UPB1: variants seen among roughly 807,000 people sequenced by gnomAD.
The protein encoded by UPB1 is beta-ureidopropionase 1, also known as beta-ureidopropionase.
Under a neutral mutation model 49.1 loss-of-function variants are expected in UPB1, and 40 were observed. The observed-to-expected ratio is 0.81, with a 90% CI of 0.63 to 1.06. UPB1 has a LOEUF of 1.06. Ranked by LOEUF, UPB1 falls within the 50% of genes least tolerant of loss-of-function variation. UPB1 has a pLI of 0.00. For missense variants in UPB1, 499 were observed against 505.9 expected (o/e 0.99, Z 0.13); for synonymous variants, 207 against 198.2 (o/e 1.04, Z -0.38).
chr22:24,502,265 C>G (rs778709015), intron 3 of UPB1, 52 bp downstream of exon 3: 24 of 1,555,172 alleles, frequency 1.5e-5, no homozygotes, highest in Non-Finnish European at 1.2e-5. Context: ...ATTGTGTATT[C>G]TCTCCATGTT....
At chr22:24,506,180 C>T (rs56047957) in intron 3 of UPB1, among the ~76,000 whole-genome samples, 2,880 of 151,720 alleles carry the variant, frequency 0.019, 36 homozygotes, top group Non-Finnish European at 0.03. Context: ...ACCACCACAC[C>T]CAGCTAATTT....
At position 24,514,770 on chromosome 22, in the gene UPB1, C is replaced by T. The variant is rs187581782; in HGVS notation, c.622-431C>T. Among the ~76,000 whole-genome samples the T allele has an allele frequency of 5.8e-4, 89 of 152,254 alleles. 1 individual carries two copies. The East Asian group carries it at 0.014, about 23-fold the overall frequency. ...CTCAGGAAGCAGCTTTCTCCTCTGA[C>T]CAGGGAGAGAGTTGCTTGGATGTGC... is the stretch of plus-strand genomic sequence containing the variant. On this transcript the variant is annotated intron_variant, in intron 5 of 9. Transcript: ENST00000326010.
chr22:24,523,782 C>T lies in UPB1; in HGVS notation c.1071+9C>T, dbSNP rs1426611172. The T allele has an allele frequency of 3.7e-6, 6 of 1,614,162 alleles. No homozygotes were observed. The highest frequency in any genetic ancestry group is 5.1e-6 in the Non-Finnish European group (6 of 1,180,030). ...ATGTCTGGAACTTCAAGGTAGGTCC[C>T]CAGGACCCCTGTTGTTGCCTGCTCC... On this transcript the variant is annotated intron_variant, in intron 9 of 9. Coordinates refer to ENST00000326010, the MANE Select transcript of UPB1 (RefSeq NM_016327.3).
At chr22:24,522,113 G>GTGTGGCAGAT in intron 8 of UPB1, 85 bp downstream of exon 8, 3 of 1,505,138 alleles carry the variant, frequency 2.0e-6, no homozygotes, top group Non-Finnish European at 2.7e-6. Flanking sequence ...GTCAGGATCT[G>GTGTGGCAGAT]CCACACAGAT....
chr22:24,505,714 T>C (rs1437329644), intron 3 of UPB1, among the ~76,000 whole-genome samples: 1 of 152,116 alleles, frequency 6.6e-6, no homozygotes, highest in Non-Finnish European at 1.5e-5. Flanking sequence ...TTTTTATTTT[T>C]ATTTTTATTT....
chr22:24,514,497 G>A (rs1009347562), intron 5 of UPB1, among the ~76,000 whole-genome samples: 1 of 152,184 alleles, frequency 6.6e-6, no homozygotes, highest in African/African-American at 2.4e-5. Context: ...GGAGGAGGTG[G>A]AAGGCTCCTG....
rs2147048365 is a variant in UPB1 at position 24,527,215 on chromosome 22, G to T, written c.*1421G>T. On this transcript the variant is annotated 3_prime_UTR_variant, in exon 10 of 10. Coordinates refer to ENST00000326010, the MANE Select transcript of UPB1 (RefSeq NM_016327.3). ...TACTAAAAATACAAAAATTAGCTGGGCATGGTGGCGCATGCCTATAATCCC... is the reference window on the plus strand; with the variant it reads ...TACTAAAAATACAAAAATTAGCTGGTCATGGTGGCGCATGCCTATAATCCC... 6.6e-6 allele frequency: 1 copy of T among 152,402 alleles called. No individual in the cohort carries two copies. The highest frequency in any genetic ancestry group is 2.4e-5 in the African/African-American group (1 of 41,566). The allele number at this position is 152,402 out of a possible 1,614,324, so 9.4% of individuals were successfully genotyped here. A position where few individuals can be genotyped will look rare whatever the true frequency, so the allele number is the denominator to read the frequency against.
chr22:24,514,381 G>T (rs895852069), intron 5 of UPB1, among the ~76,000 whole-genome samples: 20 of 152,206 alleles, frequency 1.3e-4, no homozygotes, highest in South Asian at 2.1e-4. Context: ...GCTCCCTGCA[G>T]ATAGCACAGG....
chr22:24,502,381 G>A (rs184048257), intron 3 of UPB1, 168 bp downstream of exon 3: 21 of 811,760 alleles, frequency 2.6e-5, no homozygotes, highest in African/African-American at 2.5e-4. Context: ...CTGCTGTTAC[G>A]CACCGAGCTG....
At chr22:24,505,282 AG>A (rs2044070781) in intron 3 of UPB1, among the ~76,000 whole-genome samples, 1 of 152,120 alleles carries the variant, frequency 6.6e-6, no homozygotes, top group South Asian at 2.1e-4. Context: ...CCTTATTCCA[AG>A]TTGGACGCTT....
Position 24,495,469 on chromosome 22 carries a change from G to A in UPB1, c.66G>A (p.Leu22=), listed in dbSNP as rs747398515. 30 of 1,614,082 alleles carry A rather than the reference G, an allele frequency of 1.9e-5. No homozygotes were observed. In the South Asian group the frequency reaches 3.1e-4, roughly 17 times the overall value. The change falls in exon 1 of 10, where the codon TTG becomes TTA. Residue 22 remains leucine (L), a synonymous_variant. Coordinates refer to ENST00000326010, the MANE Select transcript of UPB1 (RefSeq NM_016327.3). Reference sequence around the variant, plus strand: ...AGAAGCACCTGCCGCTCCCCGACTTGCAGGAAGTGAAGCGCGTTCTCTATG... The same window carrying A: ...AGAAGCACCTGCCGCTCCCCGACTTACAGGAAGTGAAGCGCGTTCTCTATG... ...CLEKHLPLPD[L]QEVKRVLYGK... is the part of the protein sequence containing the mutation.
intron 3 of UPB1, chr22:24,503,772 G>A (rs949922039): frequency 1.3e-5 from 2 of 152,288 alleles, no homozygotes; most frequent in African/African-American, 2.4e-5. Context: ...TCCCTCATCT[G>A]ACCTGGGGAC....
Position 24,509,740 on chromosome 22 carries a change from T to C in UPB1, c.365-1009T>C, listed in dbSNP as rs9624487. Among the ~76,000 whole-genome samples the C allele has an allele frequency of 4.8e-3, 453 of 94,492 alleles. 7 individuals are homozygous for C. Among genetic ancestry groups the C allele is most frequent in the African/African-American group, 0.019 (412 of 21,670 alleles). The allele number at this position is 94,492 out of a possible 152,430, so 62.0% of individuals were successfully genotyped here. On this transcript the variant is annotated intron_variant, in intron 3 of 9. Coordinates refer to ENST00000326010, the MANE Select transcript of UPB1 (RefSeq NM_016327.3). ...ACTTTTTGTGTGTGTGGCATATAGATATACATTAACAATATTTACCATTTT... is the reference window on the plus strand; with the variant it reads ...ACTTTTTGTGTGTGTGGCATATAGACATACATTAACAATATTTACCATTTT...
intron 6 of UPB1, among the ~76,000 whole-genome samples, 166 bp downstream of exon 6, chr22:24,515,536 G>A (rs550836033): frequency 6.6e-6 from 1 of 152,230 alleles, no homozygotes; most frequent in Non-Finnish European, 1.5e-5. Context: ...GCTTTTCAGT[G>A]AAAAGAATCC....
rs923512113 is a variant in UPB1 at position 24,520,098 on chromosome 22, TCTG to T, written c.792-288_792-286del. ...GATTTGATCCAGGGCTGCTAATTCT[TCTG>T]ACAGAGCACAGCCACGTGGCTTATG... On this transcript the variant is annotated intron_variant, in intron 6 of 9. Transcript: ENST00000326010. The T allele has an allele frequency of 1.8e-5, 9 of 496,896 alleles. No homozygotes were observed. The Admixed American group carries it at 2.9e-4, about 16-fold the overall frequency. 30.8% of individuals were successfully genotyped at this position (496,896 alleles called of 1,614,324 possible).
chr22:24,499,245 ATAT>A (rs893103916), intron 1 of UPB1, among the ~76,000 whole-genome samples: 10 of 152,180 alleles, frequency 6.6e-5, no homozygotes, highest in South Asian at 2.1e-4. Context: ...TAGGAGAGAA[ATAT>A]TATTATTAGA....
chr22:24,511,837 T>C (rs1415050890), intron 4 of UPB1, among the ~76,000 whole-genome samples: 3 of 151,958 alleles, frequency 2.0e-5, no homozygotes, highest in African/African-American at 4.8e-5. Context: ...AGGATGGTCT[T>C]GATCTCCTGA....
chr22:24,511,614 A>ATTTTT lies in UPB1; in HGVS notation c.459+772_459+773insTTTTT, dbSNP rs202129656. Among the ~76,000 whole-genome samples, 682 of 121,002 alleles carry ATTTTT rather than the reference A, an allele frequency of 5.6e-3. 8 individuals are homozygous for ATTTTT. Among genetic ancestry groups the ATTTTT allele is most frequent in the African/African-American group, 0.012 (369 of 31,806 alleles). The allele number at this position is 121,002 out of a possible 152,430, so 79.4% of individuals were successfully genotyped here. A position where few individuals can be genotyped will look rare whatever the true frequency, so the allele number is the denominator to read the frequency against. ...CTCTGTGAATTATATATATATATAT[A>ATTTTT]TATATTTTTTTTTTTTTGAGATGGA... On this transcript the variant is annotated intron_variant, in intron 4 of 9. Coordinates refer to ENST00000326010, the MANE Select transcript of UPB1 (RefSeq NM_016327.3).
intron 5 of UPB1, among the ~76,000 whole-genome samples, chr22:24,514,073 T>C (rs1292260682): frequency 6.6e-6 from 1 of 151,918 alleles, no homozygotes; most frequent in African/African-American, 2.4e-5. Flanking sequence ...CCTGGGTGGG[T>C]AAGATGGGAG....
Sources: gnomAD v4.1 joint callset for allele counts (sites outside exome capture counted in the v4.1 genomes callset) on GRCh38, gnomAD v4.1.1 for gene constraint, MANE v1.5 for transcripts, NCBI Gene and HGNC (gene_info 2026-07-23, HGNC 2026-07-21) for gene names.